Variants in DNAH11 observed in about 807,000 individuals in gnomAD.
DNAH11 encodes the protein axonemal beta dynein heavy chain 11.
A neutral mutation model predicts 526.0 loss-of-function variants in DNAH11; 442 were observed. That is an observed-to-expected ratio of 0.84 (90% CI 0.78 to 0.91). The LOEUF (loss-of-function observed/expected upper bound fraction) is 0.91, where lower values mean the gene tolerates loss of function less well. Ranked by LOEUF, DNAH11 falls within the 40% of genes least tolerant of loss-of-function variation. DNAH11 has a pLI of 0.00. For missense variants in DNAH11, 6,989 were observed against 5,448.7 expected (o/e 1.28, Z -8.90); for synonymous variants, 2,461 against 1,935.9 (o/e 1.27, Z -7.12).
intron 32 of DNAH11, 57 bp downstream of exon 32, chr7:21,684,001 T>C (rs1783258571): frequency 6.4e-7 from 1 of 1,566,130 alleles, no homozygotes; most frequent in South Asian, 1.2e-5. Context: ...AGTCCCCTAG[T>C]GTGAGAATGA....
intron 75 of DNAH11, among the ~76,000 whole-genome samples, chr7:21,883,806 C>G (rs1263035532): frequency 6.6e-6 from 1 of 152,034 alleles, no homozygotes; most frequent in Non-Finnish European, 1.5e-5. Context: ...TTTGAGAGGC[C>G]AAGGAGGAAG....
chr7:21,698,150 G>T lies in DNAH11; in HGVS notation c.6117G>T (p.Ala2039=). The T allele has an allele frequency of 6.2e-7, 1 of 1,613,642 alleles. No homozygotes were observed. The highest frequency in any genetic ancestry group is 8.5e-7 in the Non-Finnish European group (1 of 1,179,718). The change falls in exon 36 of 82, where the codon GCG becomes GCT. Residue 2039 remains alanine (A), a synonymous_variant. Transcript: ENST00000409508. ...TAGTTGCTGAAGGTTTTGTGGATGCGCGTGCATTAGCCCGAAAGTTCATTA... is the reference window on the plus strand; with the variant it reads ...TAGTTGCTGAAGGTTTTGTGGATGCTCGTGCATTAGCCCGAAAGTTCATTA... ...ILLVAEGFVD[A]RALARKFITL... is the part of the protein sequence containing the mutation.
At chr7:21,824,332 C>T (rs1043033654) in intron 65 of DNAH11, among the ~76,000 whole-genome samples, 4 of 152,256 alleles carry the variant, frequency 2.6e-5, no homozygotes, top group Admixed American at 2.0e-4. Flanking sequence ...AATTCTGCCT[C>T]CACTTCCAAA....
Position 21,591,394 on chromosome 7 carries a change from G to A in DNAH11, c.2484G>A (p.Glu828=). Reference sequence around the variant, plus strand: ...CGTCCGAGTTGGAGCACAGAGTTGAGCGCACACAGAAAAACGTGAAGGTGA... The same window carrying A: ...CGTCCGAGTTGGAGCACAGAGTTGAACGCACACAGAAAAACGTGAAGGTGA... The part of the protein sequence containing the change: ...AATSELEHRV[E]RTQKNVKVIQ... Residue 828 remains glutamate, a synonymous_variant, in exon 14 of 82, where the codon GAG becomes GAA. Coordinates refer to ENST00000409508, the MANE Select transcript of DNAH11 (RefSeq NM_001277115.2). 1 of 1,613,968 alleles carries A rather than the reference G, an allele frequency of 6.2e-7. No homozygotes were observed. The highest frequency in any genetic ancestry group is 8.5e-7 in the Non-Finnish European group (1 of 1,179,862).
intron 44 of DNAH11, among the ~76,000 whole-genome samples, chr7:21,723,754 AC>A (rs1784972588): frequency 4.6e-5 from 1 of 21,934 alleles, no homozygotes; most frequent in Non-Finnish European, 9.4e-5. Context: ...CCACCCCTCC[AC>A]CCCCAGCTAC....
chr7:21,597,993 G>C (rs976145100), intron 14 of DNAH11, among the ~76,000 whole-genome samples: 15 of 152,236 alleles, frequency 9.9e-5, no homozygotes, highest in African/African-American at 3.6e-4. Flanking sequence ...GCATTCCTGA[G>C]AAGGAGCAGT....
intron 18 of DNAH11, 23 bp from the exon 19 acceptor site, chr7:21,606,403 C>T: frequency 1.3e-6 from 2 of 1,566,374 alleles, no homozygotes; most frequent in Non-Finnish European, 1.7e-6. Flanking sequence ...AGTAATTTCG[C>T]ATTTGTGCCT....
rs373965791 is a variant in DNAH11, at chr7:21,619,140, T to C, written c.4295T>C (p.Leu1432Ser). Reference sequence around the variant, plus strand: ...AATGAAGCCACAACTTTGGCAGATTTGTTAGCACTGCGGTTACACAGAGTG... The same window carrying C: ...AATGAAGCCACAACTTTGGCAGATTCGTTAGCACTGCGGTTACACAGAGTG... ...LINEATTLAD[L>S]LALRLHRVED... The change falls in exon 24 of 82, where the codon TTG (leucine) becomes TCG (serine). Residue 1432 changes from leucine to serine, a missense_variant. Physicochemically the swap from Leu to Ser is moderately radical, Grantham distance 145 (BLOSUM62 -2). Coordinates refer to ENST00000409508, the MANE Select transcript of DNAH11 (RefSeq NM_001277115.2). The C allele has an allele frequency of 5.0e-6, 8 of 1,613,572 alleles. No individual in the cohort carries two copies. Among genetic ancestry groups the C allele is most frequent in the Middle Eastern group, 1.6e-4 (1 of 6,080 alleles).
chr7:21,785,469 A>G (rs1051569778), intron 58 of DNAH11, among the ~76,000 whole-genome samples: 3 of 152,228 alleles, frequency 2.0e-5, no homozygotes, highest in Non-Finnish European at 4.4e-5. Context: ...TAACCATGAT[A>G]TATTAAGTGA....
intron 73 of DNAH11, among the ~76,000 whole-genome samples, chr7:21,870,482 G>A (rs1173271031): frequency 1.3e-5 from 2 of 151,904 alleles, no homozygotes; most frequent in African/African-American, 2.4e-5. Flanking sequence ...CAGAAACACA[G>A]GAGGGTTCGC....
intron 54 of DNAH11, among the ~76,000 whole-genome samples, chr7:21,761,432 G>A (rs1037332865): frequency 1.1e-4 from 16 of 152,146 alleles, no homozygotes; most frequent in African/African-American, 3.9e-4. Flanking sequence ...CTTACTCTGT[G>A]TGTAGAGACC....
chr7:21,728,908 G>C (rs567902680), intron 45 of DNAH11, among the ~76,000 whole-genome samples: 8 of 152,336 alleles, frequency 5.3e-5, no homozygotes, highest in African/African-American at 1.9e-4. Context: ...GCCCTGTACC[G>C]GGGCCCACTG....
chr7:21,789,464 C>T (rs544151549), intron 61 of DNAH11, 122 bp downstream of exon 61: 584 of 622,738 alleles, frequency 9.4e-4, no homozygotes, highest in Non-Finnish European at 1.5e-3. Flanking sequence ...TTCGATCTTC[C>T]ATGAGTGTAT....
chr7:21,753,119 C>G (rs1169136877), intron 54 of DNAH11, among the ~76,000 whole-genome samples: 2 of 152,148 alleles, frequency 1.3e-5, no homozygotes, highest in Admixed American at 1.3e-4. Flanking sequence ...CCTTAGAGGC[C>G]CTTTAGAAGA....
At chr7:21,756,164 C>A (rs1277994669) in intron 54 of DNAH11, among the ~76,000 whole-genome samples, 1 of 151,928 alleles carries the variant, frequency 6.6e-6, no homozygotes, top group Non-Finnish European at 1.5e-5. Flanking sequence ...TCTGAATTTT[C>A]TTTAAATTAA....
At chr7:21,896,484 T>G (rs1026957400) in intron 79 of DNAH11, among the ~76,000 whole-genome samples, 6 of 152,244 alleles carry the variant, frequency 3.9e-5, no homozygotes, top group African/African-American at 1.4e-4. Flanking sequence ...CAAGTAAAGT[T>G]TTAAAATGTT....
Position 21,873,316 on chromosome 7 carries a change from C to G in DNAH11, c.12010C>G (p.Leu4004Val). Residue 4004 changes from leucine (L) to valine (V), a missense_variant, in exon 74 of 82, where the codon CTC becomes GTC. Coordinates refer to ENST00000409508, the MANE Select transcript of DNAH11 (RefSeq NM_001277115.2). ...VAKWLGTLEK[L>V]LERFSQGSHR... ...CAAGTGGCTAGGAACCTTGGAGAAG[C>G]TCCTTGAAAGATTCAGCCAAGGAAG... 6.2e-7 allele frequency: 1 copy of G among 1,607,806 alleles called. No individual in the cohort carries two copies. The highest frequency in any genetic ancestry group is 8.5e-7 in the Non-Finnish European group (1 of 1,176,888).
rs537790030 is a variant in DNAH11, at chr7:21,864,391, T to C, written c.11374-144T>C. The C allele has an allele frequency of 1.6e-5, 9 of 579,652 alleles. No homozygotes were observed. The South Asian group carries it at 3.7e-4, about 24-fold the overall frequency. The allele number at this position is 579,652 out of a possible 1,614,324, so 35.9% of individuals were successfully genotyped here. ...TTGACATAATCTAAGATTCCCTATT[T>C]CAACAGTAGAACAGATGTCAAGTGG... On this transcript the variant is annotated intron_variant, in intron 69 of 81. Coordinates refer to ENST00000409508, the MANE Select transcript of DNAH11 (RefSeq NM_001277115.2).
rs552037516 is a variant in DNAH11, at chr7:21,762,630, C to T, written c.8941-2798C>T. Among the ~76,000 whole-genome samples the T allele has an allele frequency of 5.3e-4, 81 of 152,214 alleles. No homozygotes were observed. The South Asian group carries it at 0.013, about 25-fold the overall frequency. Reference sequence around the variant, plus strand: ...ACATGAAATATTACAGCAATTATTTCGTTTGTAACTAGAGTTTTACATAAT... The same window carrying T: ...ACATGAAATATTACAGCAATTATTTTGTTTGTAACTAGAGTTTTACATAAT... On this transcript the variant is annotated intron_variant, in intron 54 of 81. Coordinates refer to ENST00000409508, the MANE Select transcript of DNAH11 (RefSeq NM_001277115.2).
Sources: allele counts gnomAD v4.1 joint callset (sites outside exome capture counted in the v4.1 genomes callset), GRCh38; gene constraint gnomAD v4.1.1; transcripts MANE v1.5; gene names NCBI Gene and HGNC (gene_info 2026-07-23, HGNC 2026-07-21).